CNTN4: variants seen among roughly 807,000 people sequenced by gnomAD.
The protein encoded by CNTN4 is contactin 4, also known as contactin-4.
In CNTN4, 77 loss-of-function variants were observed where a neutral mutation model predicts 122.5. That is an observed-to-expected ratio of 0.63 (90% CI 0.52 to 0.76). The LOEUF (loss-of-function observed/expected upper bound fraction) is 0.76, where lower values mean the gene tolerates loss of function less well. CNTN4 is among the 30% of genes least tolerant of loss of function. CNTN4 has a pLI of 0.00. For synonymous variants in CNTN4, 512 were observed against 447.0 expected (o/e 1.15, Z -1.83); for missense variants, 1,256 against 1,259.1 (o/e 1.00, Z 0.04).
intron 4 of CNTN4, among the ~76,000 whole-genome samples, chr3:2,619,974 C>T (rs1410544960): frequency 1.3e-5 from 2 of 149,958 alleles, no homozygotes; most frequent in African/African-American, 4.9e-5. Flanking sequence ...TACTTTTTTC[C>T]CCTGGCATAA....
intron 4 of CNTN4, among the ~76,000 whole-genome samples, chr3:2,648,230 GCTT>G (rs753484135): frequency 9.2e-5 from 14 of 152,178 alleles, no homozygotes; most frequent in Non-Finnish European, 1.8e-4. Flanking sequence ...AACTTTACCA[GCTT>G]CTTCATCATT....
intron 3 of CNTN4, among the ~76,000 whole-genome samples, chr3:2,512,699 C>T (rs2076923487): frequency 6.6e-6 from 1 of 152,122 alleles, no homozygotes; most frequent in South Asian, 2.1e-4. Context: ...AACCAATGGC[C>T]AGGGCTAATG....
chr3:2,735,911 C>T (rs1170253518), intron 4 of CNTN4: 3 of 518,514 alleles, frequency 5.8e-6, no homozygotes, highest in Admixed American at 4.2e-5. Context: ...AAGGGGTAGG[C>T]TAAAGACAAG....
chr3:2,752,104 T>C (rs968397122), intron 6 of CNTN4, among the ~76,000 whole-genome samples: 3 of 152,184 alleles, frequency 2.0e-5, no homozygotes, highest in South Asian at 2.1e-4. Context: ...GTCTGTTCTC[T>C]CTTCCATTCC....
intron 2 of CNTN4, among the ~76,000 whole-genome samples, chr3:2,276,601 A>C (rs1352148548): frequency 6.6e-6 from 1 of 152,174 alleles, no homozygotes; most frequent in Non-Finnish European, 1.5e-5. Context: ...AGTAGTTCTC[A>C]ATAAATAGCT....
chr3:2,368,010 A>G (rs1331991765), intron 3 of CNTN4, among the ~76,000 whole-genome samples: 1 of 150,136 alleles, frequency 6.7e-6, no homozygotes, highest in Admixed American at 6.6e-5. Flanking sequence ...CACTTTATCC[A>G]AATACAGCTA....
At position 2,390,647 on chromosome 3, in the gene CNTN4, C is replaced by A. The variant is rs1479615589; in HGVS notation, c.-89+51414C>A. 2.0e-5 allele frequency among the ~76,000 whole-genome samples: 3 copies of A among 152,274 alleles called. No individual in the cohort carries two copies. In the South Asian group the frequency reaches 6.2e-4, roughly 32 times the overall value. ...ACATACAGGTTAAATATTTTCTATA[C>A]AGCTACTGGTTGATTAATAACCTCA... On this transcript the variant is annotated intron_variant, in intron 3 of 24. Transcript: ENST00000418658.
intron 14 of CNTN4, among the ~76,000 whole-genome samples, chr3:3,009,571 C>A (rs1055479824): frequency 1.5e-5 from 2 of 135,324 alleles, no homozygotes; most frequent in South Asian, 2.3e-4. Context: ...GTAGCTGGGA[C>A]TACAGGCGCC....
intron 2 of CNTN4, among the ~76,000 whole-genome samples, chr3:2,253,413 A>G (rs574496457): frequency 1.3e-5 from 2 of 150,294 alleles, no homozygotes; most frequent in Admixed American, 6.6e-5. Context: ...GTTGTAACAC[A>G]TTGTTTTAGT....
At chr3:2,872,050 T>C (rs2093791158) in intron 8 of CNTN4, among the ~76,000 whole-genome samples, 1 of 152,186 alleles carries the variant, frequency 6.6e-6, no homozygotes, top group Non-Finnish European at 1.5e-5. Context: ...GGTACTAAAG[T>C]AGTCCATTGA....
intron 2 of CNTN4, among the ~76,000 whole-genome samples, chr3:2,123,254 A>G: frequency 6.6e-6 from 1 of 152,206 alleles, no homozygotes; most frequent in Non-Finnish European, 1.5e-5. Flanking sequence ...CAATTTTGGA[A>G]ATTTAAGTTC....
chr3:2,566,583 A>T (rs1453550413), intron 3 of CNTN4, among the ~76,000 whole-genome samples: 1 of 152,164 alleles, frequency 6.6e-6, no homozygotes, highest in African/African-American at 2.4e-5. Context: ...TACCTTCATA[A>T]AGTTAAAAAT....
chr3:2,327,085 G>A (rs973935401), intron 2 of CNTN4, among the ~76,000 whole-genome samples: 3 of 151,914 alleles, frequency 2.0e-5, no homozygotes, highest in Admixed American at 2.0e-4. Context: ...GTGGTAATTT[G>A]GGGAAATTTC....
At chr3:2,122,323 A>G (rs1176300064) in intron 2 of CNTN4, among the ~76,000 whole-genome samples, 1 of 152,124 alleles carries the variant, frequency 6.6e-6, no homozygotes, top group African/African-American at 2.4e-5. Flanking sequence ...AGAGATCTTT[A>G]TTGTTATATG....
chr3:2,774,744 G>A (rs1046839034), intron 6 of CNTN4, among the ~76,000 whole-genome samples: 1 of 152,142 alleles, frequency 6.6e-6, no homozygotes, highest in Non-Finnish European at 1.5e-5. Flanking sequence ...TGTTACAGCA[G>A]TTTTGGAACC....
intron 2 of CNTN4, among the ~76,000 whole-genome samples, chr3:2,321,115 G>T (rs149305639): frequency 1.4e-4 from 21 of 152,214 alleles, no homozygotes; most frequent in African/African-American, 4.8e-4. Flanking sequence ...GTCTGAAGAA[G>T]CTCTGTCCTA....
At chr3:2,698,359 A>G (rs895902116) in intron 4 of CNTN4, among the ~76,000 whole-genome samples, 13 of 152,050 alleles carry the variant, frequency 8.5e-5, no homozygotes, top group African/African-American at 2.7e-4. Context: ...CCTGTGTTGT[A>G]CCTGAGTCTG....
intron 3 of CNTN4, among the ~76,000 whole-genome samples, chr3:2,380,933 A>G (rs1278252143): frequency 6.6e-6 from 1 of 151,312 alleles, no homozygotes; most frequent in Non-Finnish European, 1.5e-5. Context: ...CAACACTGTT[A>G]TTTTCTATTG....
intron 2 of CNTN4, among the ~76,000 whole-genome samples, chr3:2,124,472 A>C (rs553057694): frequency 9.8e-4 from 126 of 128,126 alleles, no homozygotes; most frequent in Non-Finnish European, 9.7e-4. Flanking sequence ...ACACACACAC[A>C]CCCCCTTAAG....
Sources: allele counts gnomAD v4.1 joint callset (sites outside exome capture counted in the v4.1 genomes callset), GRCh38; gene constraint gnomAD v4.1.1; transcripts MANE v1.5; gene names NCBI Gene and HGNC (gene_info 2026-07-23, HGNC 2026-07-21).